APBB2: variants seen among roughly 807,000 people sequenced by gnomAD.
APBB2 encodes the protein Fe65-like 1.
APBB2 carries 38 observed loss-of-function variants against 82.5 expected under a neutral mutation model. The ratio of observed to expected loss-of-function variants is 0.46; its 90% CI spans 0.36 to 0.60. The LOEUF (loss-of-function observed/expected upper bound fraction) is 0.60, where lower values mean the gene tolerates loss of function less well. Ranked by LOEUF, APBB2 falls within the 20% of genes least tolerant of loss-of-function variation. APBB2 has a pLI of 0.00. For missense variants in APBB2, 772 were observed against 972.3 expected (o/e 0.79, Z 2.74); for synonymous variants, 341 against 368.2 (o/e 0.93, Z 0.85).
At chr4:40,932,364 C>T (rs1229598785) in intron 10 of APBB2, among the ~76,000 whole-genome samples, 4 of 152,236 alleles carry the variant, frequency 2.6e-5, no homozygotes, top group African/African-American at 9.6e-5. Context: ...GCCACTGGCT[C>T]TAGAGTGGCC....
Position 41,027,397 on chromosome 4 carries a change from ATATATAT to A in APBB2, c.19+5832_19+5838del, listed in dbSNP as rs1229596115. The stretch of plus-strand genomic sequence containing the variant: ...TATATATATATATATATATATATAT[ATATATAT>A]AACATTTTCAAGAACTCCCAGACTG... On this transcript the variant is annotated intron_variant, in intron 5 of 17. Coordinates refer to ENST00000508593, the MANE Select transcript of APBB2 (RefSeq NM_004307.2). 1.1e-4 allele frequency among the ~76,000 whole-genome samples: 13 copies of A among 113,196 alleles called. No homozygotes were observed. In the East Asian group the frequency reaches 2.2e-3, roughly 19 times the overall value. 74.3% of individuals were successfully genotyped at this position (113,196 alleles called of 152,430 possible). A position where few individuals can be genotyped will look rare whatever the true frequency, so the allele number is the denominator to read the frequency against.
At chr4:41,018,401 GA>G (rs1331653101) in intron 5 of APBB2, among the ~76,000 whole-genome samples, 1 of 152,184 alleles carries the variant, frequency 6.6e-6, no homozygotes, top group Admixed American at 6.5e-5. Flanking sequence ...CCTAGGGTTG[GA>G]GAGGATCTTC....
chr4:40,964,498 G>A (rs13112241), intron 6 of APBB2, among the ~76,000 whole-genome samples: 33,164 of 151,856 alleles, frequency 0.22, 4,520 homozygotes, highest in East Asian at 0.55. Context: ...ACACCCTATG[G>A]CCCAGCAATA....
At chr4:40,894,904 C>A (rs989832868) in intron 10 of APBB2, among the ~76,000 whole-genome samples, 1 of 152,202 alleles carries the variant, frequency 6.6e-6, no homozygotes, top group African/African-American at 2.4e-5. Flanking sequence ...TCTCTCTCTG[C>A]ATCCCTGGTC....
At chr4:40,905,661 T>A (rs1776508159) in intron 10 of APBB2, among the ~76,000 whole-genome samples, 1 of 152,194 alleles carries the variant, frequency 6.6e-6, no homozygotes, top group Non-Finnish European at 1.5e-5. Context: ...ATTGTGAGAT[T>A]TATAGGAACC....
At chr4:40,949,469 A>G (rs1789452669) in intron 6 of APBB2, among the ~76,000 whole-genome samples, 2 of 152,216 alleles carry the variant, frequency 1.3e-5, no homozygotes, top group African/African-American at 4.8e-5. Flanking sequence ...CTAAGCCAAG[A>G]GAACAGTGGG....
chr4:41,033,149 C>A, intron 5 of APBB2, 87 bp downstream of exon 5: 1 of 868,278 alleles, frequency 1.2e-6, no homozygotes, highest in Non-Finnish European at 1.9e-6. Flanking sequence ...TTTAGCAAAT[C>A]ATAAGTTTAA....
chr4:41,065,251 C>G (rs1202269546), intron 4 of APBB2, among the ~76,000 whole-genome samples: 3 of 151,824 alleles, frequency 2.0e-5, no homozygotes, highest in Admixed American at 6.6e-5. Context: ...TGCCACTGGA[C>G]CCCAGCCTGG....
intron 12 of APBB2, among the ~76,000 whole-genome samples, chr4:40,847,087 G>A (rs754505991): frequency 3.3e-5 from 5 of 152,074 alleles, no homozygotes; most frequent in African/African-American, 1.2e-4. Context: ...TATAATGAAA[G>A]GATAACGTTA....
At chr4:41,039,906 C>T (rs2154446755) in intron 4 of APBB2, among the ~76,000 whole-genome samples, 1 of 151,382 alleles carries the variant, frequency 6.6e-6, no homozygotes, top group South Asian at 2.1e-4. Flanking sequence ...CTTGTTTCCT[C>T]AACTAGGCTG....
chr4:40,893,640 T>C (rs1245257307), intron 10 of APBB2, among the ~76,000 whole-genome samples: 2 of 152,212 alleles, frequency 1.3e-5, no homozygotes, highest in Non-Finnish European at 2.9e-5. Flanking sequence ...TTTTGCCTGA[T>C]GTGTTCAGAT....
intron 2 of APBB2, among the ~76,000 whole-genome samples, chr4:41,120,938 T>C (rs10027037): frequency 0.21 from 32,190 of 152,128 alleles, 3,651 homozygotes; most frequent in African/African-American, 0.3. Context: ...TATACACAGA[T>C]AGTGACTAAT....
intron 12 of APBB2, among the ~76,000 whole-genome samples, chr4:40,856,778 C>G (rs1392914241): frequency 7.9e-5 from 12 of 152,248 alleles, no homozygotes; most frequent in Admixed American, 6.5e-4. Context: ...ACGCCTCCCC[C>G]CCATTTCATA....
intron 12 of APBB2, among the ~76,000 whole-genome samples, chr4:40,834,835 T>C (rs1052960032): frequency 6.6e-6 from 1 of 152,098 alleles, no homozygotes; most frequent in Non-Finnish European, 1.5e-5. Flanking sequence ...GATTTGACAT[T>C]TCTGACCACC....
chr4:40,842,264 C>A, intron 12 of APBB2: 2 of 382,558 alleles, frequency 5.2e-6, no homozygotes, highest in African/African-American at 2.1e-5. Context: ...CTTTCAAAGA[C>A]AAGGATGGTT....
At chr4:40,897,833 AG>A (rs1302032905) in intron 10 of APBB2, among the ~76,000 whole-genome samples, 5 of 152,280 alleles carry the variant, frequency 3.3e-5, no homozygotes, top group Admixed American at 6.5e-5. Context: ...CCTTAAACCC[AG>A]GAAGGGATGC....
chr4:40,848,823 C>T (rs1281071030), intron 12 of APBB2: 1 of 982,824 alleles, frequency 1.0e-6, no homozygotes, highest in Non-Finnish European at 1.2e-6. Flanking sequence ...TCTGCTTTTC[C>T]CCCAGGTCCT....
intron 1 of APBB2, among the ~76,000 whole-genome samples, chr4:41,189,784 C>T (rs753450126): frequency 2.0e-5 from 3 of 152,168 alleles, no homozygotes; most frequent in Non-Finnish European, 4.4e-5. Context: ...CTTTCTCTAA[C>T]ACCCCAGACA....
intron 12 of APBB2, among the ~76,000 whole-genome samples, chr4:40,887,288 G>A (rs925633935): frequency 2.6e-5 from 4 of 152,134 alleles, no homozygotes; most frequent in Non-Finnish European, 5.9e-5. Context: ...CTGAAATTAC[G>A]TGGCTCAGGG....
Sources: gnomAD v4.1 joint callset for allele counts (sites outside exome capture counted in the v4.1 genomes callset) on GRCh38, gnomAD v4.1.1 for gene constraint, MANE v1.5 for transcripts, NCBI Gene and HGNC (gene_info 2026-07-23, HGNC 2026-07-21) for gene names.